SYTL2: variants seen among roughly 807,000 people sequenced by gnomAD.
SYTL2 encodes synaptotagmin like 2.
Under a neutral mutation model 198.7 loss-of-function variants are expected in SYTL2, and 165 were observed. The observed-to-expected ratio is 0.83, with a 90% CI of 0.73 to 0.94. The LOEUF (loss-of-function observed/expected upper bound fraction) is 0.94. SYTL2 is among the 40% of genes least tolerant of loss of function. The probability of loss-of-function intolerance (pLI) is 0.00; values close to 1 mark genes in which losing one functional copy is unlikely to be tolerated. For synonymous variants in SYTL2, 966 were observed against 917.7 expected, an observed-to-expected ratio of 1.05 and a Z score of -0.95; for missense variants, 2,835 against 2,582.8, an observed-to-expected ratio of 1.10 and a Z score of -2.12.
upstream of SYTL2, among the ~76,000 whole-genome samples, chr11:85,812,965 G>T (rs946495959): frequency 1.1e-4 from 16 of 152,154 alleles, no homozygotes; most frequent in African/African-American, 3.9e-4. Flanking sequence ...AGCTCTGGAG[G>T]GCAGGCACTG....
intron 4 of SYTL2, among the ~76,000 whole-genome samples, chr11:85,739,025 G>T (rs1450159293): frequency 5.3e-5 from 8 of 152,112 alleles, no homozygotes; most frequent in Non-Finnish European, 2.9e-5. Flanking sequence ...CCCTTACTGA[G>T]CTGTACCTAG....
At chr11:85,713,494 T>C (rs2086660182) in intron 12 of SYTL2, among the ~76,000 whole-genome samples, 2 of 152,186 alleles carry the variant, frequency 1.3e-5, no homozygotes, top group African/African-American at 4.8e-5. Context: ...ATTAGTATCA[T>C]AACCAGGACT....
intron 3 of SYTL2, among the ~76,000 whole-genome samples, chr11:85,747,027 G>A (rs2153523307): frequency 6.6e-6 from 1 of 152,278 alleles, no homozygotes; most frequent in Non-Finnish European, 1.5e-5. Flanking sequence ...ATGCTCAAAA[G>A]ATGATGGCTA....
At chr11:85,833,016 AAAGAAAGAAAGAAAGAAAG>A in the SYTL2 span, among the ~76,000 whole-genome samples, 149 of 21,132 alleles carry the variant, frequency 7.1e-3, 12 homozygotes, top group African/African-American at 0.022. Context: ...GAAAGAAAAG[AAAGAAAGAAAGAAAGAAAG>A]AAAGAAAGAA....
At chr11:85,812,619 G>A (rs1341653929), upstream of SYTL2, among the ~76,000 whole-genome samples, 1 of 152,236 alleles carries the variant, frequency 6.6e-6, no homozygotes, top group Non-Finnish European at 1.5e-5. Flanking sequence ...GACCAAGGTA[G>A]GTCTTGAAGG....
At chr11:85,813,242 C>A (rs1190523902), upstream of SYTL2, among the ~76,000 whole-genome samples, 1 of 152,126 alleles carries the variant, frequency 6.6e-6, no homozygotes, top group African/African-American at 2.4e-5. Context: ...GATCCAAATG[C>A]TGTTAGAAAT....
chr11:85,806,757 T>C (rs1430651581), intron 1 of SYTL2, among the ~76,000 whole-genome samples: 3 of 152,150 alleles, frequency 2.0e-5, no homozygotes, highest in Non-Finnish European at 4.4e-5. Flanking sequence ...CTACCAGACT[T>C]CAACTTGGGA....
chr11:85,695,397 GA>G, intron 19 of SYTL2, 57 bp from the exon 20 acceptor site: 1 of 1,426,522 alleles, frequency 7.0e-7, no homozygotes, highest in East Asian at 2.4e-5. Context: ...GTAGGGGAAA[GA>G]GGGAAAGTTA....
Position 85,714,122 on chromosome 11 carries a change from C to A in SYTL2, c.5625+291G>T, listed in dbSNP as rs192143709. Among the ~76,000 whole-genome samples the A allele has an allele frequency of 5.9e-5, 9 of 152,348 alleles. No individual in the cohort carries two copies. In the East Asian group the frequency reaches 1.7e-3, roughly 29 times the overall value. ...CCAAACTACAGAGGAATAATCAGTTCATATACCTTCCTGGATTTCTTATTT... is the reference window on the plus strand; with the variant it reads ...CCAAACTACAGAGGAATAATCAGTTAATATACCTTCCTGGATTTCTTATTT... On this transcript the variant is annotated intron_variant, in intron 12 of 19. Coordinates refer to ENST00000359152, the MANE Select transcript of SYTL2 (RefSeq NM_206927.4).
At chr11:85,824,341 G>A in the SYTL2 span, among the ~76,000 whole-genome samples, 1 of 152,044 alleles carries the variant, frequency 6.6e-6, no homozygotes, top group South Asian at 2.1e-4. Context: ...TGTGAGGAGG[G>A]AAGGAACATT....
chr11:85,739,215 C>A (rs371314297), intron 4 of SYTL2, among the ~76,000 whole-genome samples: 1 of 150,794 alleles, frequency 6.6e-6, no homozygotes, highest in East Asian at 1.9e-4. Context: ...TGAGCCAGTG[C>A]CAGGAGAAGC....
At chr11:85,829,639 C>T in the SYTL2 span, among the ~76,000 whole-genome samples, 1 of 152,212 alleles carries the variant, frequency 6.6e-6, no homozygotes, top group Non-Finnish European at 1.5e-5. Context: ...CTGCTTTCCA[C>T]AGTGGCTGAA....
Position 85,727,608 on chromosome 11 carries a change from T to C in SYTL2, c.1750A>G (p.Lys584Glu), listed in dbSNP as rs61908774. 6.5e-7 allele frequency: 1 copy of C among 1,536,050 alleles called. No individual in the cohort carries two copies. The highest frequency in any genetic ancestry group is 8.7e-7 in the Non-Finnish European group (1 of 1,146,858). The change falls in exon 8 of 20, where the codon AAG becomes GAG. Residue 584 changes from lysine (K) to glutamate (E), a missense_variant. Around this residue, in one of 3 missense-constraint regions of SYTL2, gnomAD observed 2,645 missense variants for 2,381.7 expected, o/e 1.11. Coordinates refer to ENST00000359152, the MANE Select transcript of SYTL2 (RefSeq NM_206927.4). The part of the protein sequence containing the change: ...KTLSPSKIEL[K>E]PVRSDSPFQA... The stretch of plus-strand genomic sequence containing the variant: ...AATGGTGAGTCAGATCTCACAGGCT[T>C]CAATTCAATTTTGCTGGGTGATAGG...
chr11:85,714,994 T>C (rs913026666), intron 11 of SYTL2: 1 of 152,470 alleles, frequency 6.6e-6, no homozygotes, highest in African/African-American at 2.4e-5. Context: ...GTAGGTTTGT[T>C]TAGTGAGCAT....
At chr11:85,786,237 G>A (rs548194662) in intron 1 of SYTL2, among the ~76,000 whole-genome samples, 1 of 152,162 alleles carries the variant, frequency 6.6e-6, no homozygotes, top group South Asian at 2.1e-4. Flanking sequence ...TGGTTGATAG[G>A]GGTTAGGGAT....
At chr11:85,814,236 TC>T (rs1398095706), upstream of SYTL2, among the ~76,000 whole-genome samples, 1 of 152,222 alleles carries the variant, frequency 6.6e-6, no homozygotes, top group Non-Finnish European at 1.5e-5. Flanking sequence ...ACCCCAGTTT[TC>T]TGTCACCCCT....
intron 1 of SYTL2, among the ~76,000 whole-genome samples, chr11:85,776,190 C>A (rs1411831420): frequency 6.6e-6 from 1 of 152,238 alleles, no homozygotes; most frequent in African/African-American, 2.4e-5. Context: ...GTGGAAGCAG[C>A]TGAAGGTCCT....
At chr11:85,714,299 A>G in intron 12 of SYTL2, 114 bp downstream of exon 12, 1 of 802,434 alleles carries the variant, frequency 1.2e-6, no homozygotes, top group Non-Finnish European at 2.1e-6. Flanking sequence ...GGCAAGGGCC[A>G]GTCCTTCTGA....
intron 8 of SYTL2, 26 bp from the exon 9 acceptor site, chr11:85,720,985 A>C (rs2088220672): frequency 1.4e-6 from 2 of 1,382,694 alleles, no homozygotes; most frequent in Non-Finnish European, 2.0e-6. Context: ...ATCGATGAAC[A>C]CTGCACAATA....
Sources: gnomAD v4.1 joint callset for allele counts (sites outside exome capture counted in the v4.1 genomes callset) on GRCh38, gnomAD v4.1.1 for gene constraint, gnomAD v4.1.1 regional missense constraint, MANE v1.5 for transcripts, NCBI Gene and HGNC (gene_info 2026-07-23, HGNC 2026-07-21) for gene names.